The following RBM4B variants were observed in gnomAD, a reference collection of about 807,000 sequenced individuals.
The protein encoded by RBM4B is RNA binding motif protein 4B.
RBM4B carries 13 observed loss-of-function variants against 28.5 expected under a neutral mutation model. The ratio of observed to expected loss-of-function variants is 0.46; its 90% CI spans 0.30 to 0.72. RBM4B has a LOEUF of 0.72. Ranked by LOEUF, RBM4B falls within the 30% of genes least tolerant of loss-of-function variation. RBM4B has a pLI of 0.09. For synonymous variants in RBM4B, 167 were observed against 179.1 expected (o/e 0.93, Z 0.54); for missense variants, 387 against 477.6 (o/e 0.81, Z 1.77).
chr11:66,671,814 C>G (rs1218473262), intron 2 of RBM4B, among the ~76,000 whole-genome samples: 1 of 152,150 alleles, frequency 6.6e-6, no homozygotes, highest in Non-Finnish European at 1.5e-5. Context: ...AATCTCGGCT[C>G]ACTGCAACCT....
rs1484629879 is a variant in RBM4B at position 66,669,074 on chromosome 11, A to G, written c.630T>C (p.Tyr210=). ...CGAGTGCTCCATATGCATCGTTGTA[A>G]TACATGGATTCCCCGTAGCCCATGG... ...PYTMGYGESM[Y]YNDAYGALDY... Residue 210 remains tyrosine, a synonymous_variant, in exon 3 of 4, where the codon TAT becomes TAC. Coordinates refer to ENST00000310046, the MANE Select transcript of RBM4B (RefSeq NM_031492.4). The G allele has an allele frequency of 1.1e-5, 17 of 1,614,028 alleles. No homozygotes were observed. The highest frequency in any genetic ancestry group is 1.4e-5 in the Non-Finnish European group (16 of 1,180,020).
At position 66,677,282 on chromosome 11, in the gene RBM4B, G is replaced by A. The variant is rs1054243177; in HGVS notation, c.-12-191C>T. On this transcript the variant is annotated intron_variant, in intron 1 of 3. Coordinates refer to ENST00000310046, the MANE Select transcript of RBM4B (RefSeq NM_031492.4). ...GCGAGCTATGCGTGACATGCAAACA[G>A]GAGGTCGAGGGTCAGCATGCATAGC... The A allele has an allele frequency of 4.3e-5, 29 of 674,598 alleles. 1 individual carries two copies. The highest frequency in any genetic ancestry group is 7.1e-5 in the Non-Finnish European group (29 of 406,650). 41.8% of individuals were successfully genotyped at this position (674,598 alleles called of 1,614,324 possible). A position where few individuals can be genotyped will look rare whatever the true frequency, so the allele number is the denominator to read the frequency against.
Position 66,669,752 on chromosome 11 carries a change from T to A in RBM4B, c.413-461A>T, listed in dbSNP as rs146467827. 1.6e-4 allele frequency among the ~76,000 whole-genome samples: 25 copies of A among 152,358 alleles called. No individual in the cohort carries two copies. In the East Asian group the frequency reaches 4.8e-3, roughly 29 times the overall value. ...TGCGCCATTGCGCCCTGCCAGTAGT[T>A]GAAGTTTAATACAGATGAGAGCTAG... is the stretch of plus-strand genomic sequence containing the variant. On this transcript the variant is annotated intron_variant, in intron 2 of 3. Coordinates refer to ENST00000310046, the MANE Select transcript of RBM4B (RefSeq NM_031492.4).
intron 2 of RBM4B, 107 bp from the exon 3 acceptor site, chr11:66,669,398 A>G (rs1231052845): frequency 9.5e-7 from 1 of 1,055,160 alleles, no homozygotes; most frequent in East Asian, 2.4e-5. Flanking sequence ...ATAGACGCAC[A>G]CACCTGTGAC....
At chr11:66,674,474 G>C (rs1280625469) in intron 2 of RBM4B, among the ~76,000 whole-genome samples, 1 of 151,640 alleles carries the variant, frequency 6.6e-6, no homozygotes, top group South Asian at 2.1e-4. Context: ...TGATCCCCCC[G>C]CCTTGGCCTC....
intron 2 of RBM4B, 75 bp from the exon 3 acceptor site, chr11:66,669,366 T>A: frequency 7.0e-7 from 1 of 1,424,908 alleles, no homozygotes; most frequent in Non-Finnish European, 9.7e-7. Context: ...CAAATGAAAG[T>A]AAATTAGTTG....
At chr11:66,672,081 TA>T (rs961240384) in intron 2 of RBM4B, among the ~76,000 whole-genome samples, 13 of 152,010 alleles carry the variant, frequency 8.6e-5, no homozygotes, top group African/African-American at 2.9e-4. Context: ...AAATCTATAA[TA>T]GGGGTGACGA....
chr11:66,665,404 T>C lies in RBM4B; in HGVS notation c.*184A>G. On this transcript the variant is annotated 3_prime_UTR_variant, in exon 4 of 4. Coordinates refer to ENST00000310046, the MANE Select transcript of RBM4B (RefSeq NM_031492.4). ...AGAGTGAAAGGCTACAGAGACTAGTTTCAGGAGGAAAGAAAAGTCAACTTA... is the reference window on the plus strand; with the variant it reads ...AGAGTGAAAGGCTACAGAGACTAGTCTCAGGAGGAAAGAAAAGTCAACTTA... 1.6e-6 allele frequency: 1 copy of C among 643,152 alleles called. No individual in the cohort carries two copies. 39.8% of individuals were successfully genotyped at this position (643,152 alleles called of 1,614,324 possible). A position where few individuals can be genotyped will look rare whatever the true frequency, so the allele number is the denominator to read the frequency against.
In RBM4B at chr11:66,676,606, G is replaced by A. The variant is rs1337747867; in HGVS notation, c.412+62C>T. 3 of 1,572,282 alleles carry A rather than the reference G, an allele frequency of 1.9e-6. No individual in the cohort carries two copies. In the South Asian group the frequency reaches 3.4e-5, roughly 18 times the overall value. On this transcript the variant is annotated intron_variant, in intron 2 of 3. Coordinates refer to ENST00000310046, the MANE Select transcript of RBM4B (RefSeq NM_031492.4). ...CACCCAGCAAGTTCTATAGTCTTGT[G>A]TTCTTGCCTGTTTTGAGCTAGACCC...
chr11:66,669,805 A>G (rs1427855655), intron 2 of RBM4B, among the ~76,000 whole-genome samples: 1 of 152,260 alleles, frequency 6.6e-6, no homozygotes, highest in East Asian at 1.9e-4. Flanking sequence ...AGACCAGTCA[A>G]TACTTTCTAC....
intron 2 of RBM4B, 131 bp from the exon 3 acceptor site, chr11:66,669,422 C>A (rs1284047903): frequency 2.4e-6 from 2 of 848,482 alleles, no homozygotes; most frequent in Admixed American, 2.9e-5. Flanking sequence ...ATTTCAGCAA[C>A]CTCCTTTAAA....
rs1791636492 is a variant in RBM4B, at chr11:66,665,409, G to A, written c.*179C>T. The A allele has an allele frequency of 3.1e-6, 2 of 648,006 alleles. No homozygotes were observed. Among genetic ancestry groups the A allele is most frequent in the Non-Finnish European group, 2.7e-6 (1 of 365,108 alleles). 40.1% of individuals were successfully genotyped at this position (648,006 alleles called of 1,614,324 possible). ...GAAAGGCTACAGAGACTAGTTTCAG[G>A]AGGAAAGAAAAGTCAACTTAGAAGA... On this transcript the variant is annotated 3_prime_UTR_variant, in exon 4 of 4. Transcript: ENST00000310046.
At chr11:66,670,236 C>G (rs183618642) in intron 2 of RBM4B, among the ~76,000 whole-genome samples, 4 of 126,420 alleles carry the variant, frequency 3.2e-5, no homozygotes, top group Non-Finnish European at 4.9e-5. Flanking sequence ...CACCCACCCC[C>G]GACCCCCCCA....
intron 1 of RBM4B, chr11:66,677,368 C>T (rs1565097869): frequency 2.0e-6 from 1 of 489,944 alleles, no homozygotes; most frequent in African/African-American, 1.9e-5. Context: ...TGCTTCATGT[C>T]TTAAAATGAG....
At position 66,677,091 on chromosome 11, in the gene RBM4B, C is replaced by T. The variant is rs1214704686; in HGVS notation, c.-12G>A. 1 of 1,609,686 alleles carries T rather than the reference C, an allele frequency of 6.2e-7. No homozygotes were observed. Among genetic ancestry groups the T allele is most frequent in the Admixed American group, 1.7e-5 (1 of 59,824 alleles). ...AACAGCTTCACCATCCTGACAAGAG[C>T]CTGGGAGAGAAACACAAGACTTCAA... On this transcript the variant is annotated splice_region_variant and 5_prime_UTR_variant, in exon 2 of 4. Transcript: ENST00000310046.
Position 66,669,320 on chromosome 11 carries a change from T to C in RBM4B, c.413-29A>G, listed in dbSNP as rs375898846. 63 of 1,592,434 alleles carry C rather than the reference T, an allele frequency of 4.0e-5. 1 individual carries two copies. The African/African-American group carries it at 8.2e-4, about 21-fold the overall frequency. ...GAGGGAACAGATGTAAGAAGATTTATTTTAACTCACTTGACATTCTTTTTC... is the reference window on the plus strand; with the variant it reads ...GAGGGAACAGATGTAAGAAGATTTACTTTAACTCACTTGACATTCTTTTTC... On this transcript the variant is annotated intron_variant, in intron 2 of 3. Coordinates refer to ENST00000310046, the MANE Select transcript of RBM4B (RefSeq NM_031492.4).
In RBM4B at chr11:66,677,805, A is replaced by T. The variant is rs1939693376; in HGVS notation, c.-54T>A. 6.6e-6 allele frequency: 1 copy of T among 152,630 alleles called. No homozygotes were observed. Among genetic ancestry groups the T allele is most frequent in the African/African-American group, 2.4e-5 (1 of 41,448 alleles). The allele number at this position is 152,630 out of a possible 1,614,324, so 9.5% of individuals were successfully genotyped here. On this transcript the variant is annotated 5_prime_UTR_variant, in exon 1 of 4. Transcript: ENST00000310046. Reference sequence around the variant, plus strand: ...CGACGGCGGCTCCCACGTCAGAGAGAACCTTACAAAATGGCGACGGCCGCT... The same window carrying T: ...CGACGGCGGCTCCCACGTCAGAGAGTACCTTACAAAATGGCGACGGCCGCT...
intron 2 of RBM4B, among the ~76,000 whole-genome samples, chr11:66,669,598 T>C: frequency 6.6e-6 from 1 of 152,124 alleles, no homozygotes. Flanking sequence ...AGGCATGCGC[T>C]GCCATGCCTG....
Position 66,676,912 on chromosome 11 carries a change from G to A in RBM4B, c.168C>T (p.His56=), listed in dbSNP as rs1161692858. 6.2e-7 allele frequency: 1 copy of A among 1,614,090 alleles called. No homozygotes were observed. Among genetic ancestry groups the A allele is most frequent in the East Asian group, 2.2e-5 (1 of 44,886 alleles). The change falls in exon 2 of 4, where the codon CAC becomes CAT. Residue 56 remains histidine (H), a synonymous_variant. Transcript: ENST00000310046. ...TGTTCACCCCATGAAGCTTGTAATG[G>A]TGCAGGTTGCGTATGGCATCCTCAG... ...TAAEDAIRNL[H]HYKLHGVNIN... is the part of the protein sequence containing the mutation.
Sources: gnomAD v4.1 joint callset for allele counts (sites outside exome capture counted in the v4.1 genomes callset) on GRCh38, gnomAD v4.1.1 for gene constraint, MANE v1.5 for transcripts, NCBI Gene and HGNC (gene_info 2026-07-23, HGNC 2026-07-21) for gene names.